ADAMTS13: variants seen among roughly 807,000 people sequenced by gnomAD.
The protein encoded by ADAMTS13 is A disintegrin and metalloproteinase with thrombospondin motifs 13.
ADAMTS13 carries 110 observed loss-of-function variants against 155.1 expected under a neutral mutation model. That is an observed-to-expected ratio of 0.71 (90% CI 0.61 to 0.83). The LOEUF (loss-of-function observed/expected upper bound fraction) is 0.83, where lower values mean the gene tolerates loss of function less well. Ranked by LOEUF, ADAMTS13 falls within the 40% of genes least tolerant of loss-of-function variation. The pLI is 0.00. For missense variants in ADAMTS13, 1,707 were observed against 1,891.7 expected (o/e 0.90, Z 1.81); for synonymous variants, 758 against 756.4 (o/e 1.00, Z -0.03).
At chr9:133,443,604 C>T (rs782773719) in intron 19 of ADAMTS13, 43 bp downstream of exon 19, 2 of 1,503,904 alleles carry the variant, frequency 1.3e-6, no homozygotes. Context: ...GCCTTCCTGG[C>T]AGAGCTCGTC....
chr9:133,417,589 A>C, upstream of ADAMTS13: 1 of 1,605,358 alleles, frequency 6.2e-7, no homozygotes, highest in African/African-American at 1.3e-5. Context: ...TGAGCTGCGC[A>C]GCGCTCCGCC....
upstream of ADAMTS13, among the ~76,000 whole-genome samples, chr9:133,419,716 C>T (rs942683151): frequency 6.6e-6 from 1 of 152,050 alleles, no homozygotes; most frequent in Non-Finnish European, 1.5e-5. Context: ...AGATTGTCAG[C>T]AAGTCCACCG....
At position 133,442,598 on chromosome 9, in the gene ADAMTS13, C is replaced by A; in HGVS notation, c.2105-16C>A. 1 of 1,613,310 alleles carries A rather than the reference C, an allele frequency of 6.2e-7. No homozygotes were observed. The highest frequency in any genetic ancestry group is 1.3e-5 in the African/African-American group (1 of 75,072). On this transcript the variant is annotated splice_polypyrimidine_tract_variant and intron_variant, in intron 17 of 28. Coordinates refer to ENST00000355699, the MANE Select transcript of ADAMTS13 (RefSeq NM_139027.6). ...CCCTGCAGGGAGGCGGCCTAGCCCTCCCTCTTCCCTCCCAGGGCTGCGCTG... is the reference window on the plus strand; with the variant it reads ...CCCTGCAGGGAGGCGGCCTAGCCCTACCTCTTCCCTCCCAGGGCTGCGCTG...
At position 133,442,263 on chromosome 9, in the gene ADAMTS13, G is replaced by A. The variant is rs587653765; in HGVS notation, c.1969-136G>A. 20 of 1,383,152 alleles carry A rather than the reference G, an allele frequency of 1.4e-5. No homozygotes were observed. The African/African-American group carries it at 2.7e-4, about 19-fold the overall frequency. 85.7% of individuals were successfully genotyped at this position (1,383,152 alleles called of 1,614,324 possible). ...TGGGTTTACAGGCATGAGCTACCGT[G>A]CCTGGCCAGTGATTGCTTGCTGAAC... On this transcript the variant is annotated intron_variant, in intron 16 of 28. Coordinates refer to ENST00000355699, the MANE Select transcript of ADAMTS13 (RefSeq NM_139027.6).
chr9:133,419,882 G>C (rs1839880753), upstream of ADAMTS13, among the ~76,000 whole-genome samples: 1 of 151,046 alleles, frequency 6.6e-6, no homozygotes, highest in African/African-American at 2.4e-5. Context: ...GGAACTACAG[G>C]TGCACGCCAC....
chr9:133,445,644 T>A lies in ADAMTS13; in HGVS notation c.2611-55T>A. Reference sequence around the variant, plus strand: ...CTGCCTGAGAAGATCGAGACGGGGATCGCTGGGTCCTCAGAGGAGGCCCAG... The same window carrying A: ...CTGCCTGAGAAGATCGAGACGGGGAACGCTGGGTCCTCAGAGGAGGCCCAG... On this transcript the variant is annotated intron_variant, in intron 20 of 28. Transcript: ENST00000355699. This position sits in a 1 kb window ranked among gnomAD's most constrained non-coding sequence, Gnocchi z 5.0. The A allele has an allele frequency of 6.2e-7, 1 of 1,611,624 alleles. No homozygotes were observed. Among genetic ancestry groups the A allele is most frequent in the Non-Finnish European group, 8.5e-7 (1 of 1,179,672 alleles).
chr9:133,438,506 C>T (rs782820805), intron 14 of ADAMTS13, 140 bp downstream of exon 14: 612 of 1,332,260 alleles, frequency 4.6e-4, no homozygotes, highest in Admixed American at 6.5e-4. Context: ...GTGGTGTCAG[C>T]GTCTCCCTCT....
chr9:133,454,458 C>A lies in ADAMTS13; in HGVS notation c.3088C>A (p.Leu1030Ile). ...SLGPCSASCG[L>I]GTARRSVACV... Reference sequence around the variant, plus strand: ...TGGCCCATGTTCGGCCAGCTGTGGCCTTGGCACTGCTAGACGCTCGGTGGC... The same window carrying A: ...TGGCCCATGTTCGGCCAGCTGTGGCATTGGCACTGCTAGACGCTCGGTGGC... Residue 1030 changes from leucine to isoleucine, a missense_variant, in exon 24 of 29, where the codon CTT becomes ATT. Coordinates refer to ENST00000355699, the MANE Select transcript of ADAMTS13 (RefSeq NM_139027.6). 2 of 1,613,704 alleles carry A rather than the reference C, an allele frequency of 1.2e-6. No individual in the cohort carries two copies. Among genetic ancestry groups the A allele is most frequent in the Non-Finnish European group, 1.7e-6 (2 of 1,180,020 alleles).
chr9:133,452,205 T>C (rs2520103), intron 23 of ADAMTS13, among the ~76,000 whole-genome samples: 13,643 of 151,738 alleles, frequency 0.09, 655 homozygotes, highest in Middle Eastern at 0.15. Flanking sequence ...CTCCGCCTCC[T>C]GGGTTCAAGT....
chr9:133,435,162 T>C (rs1841084611), intron 11 of ADAMTS13, among the ~76,000 whole-genome samples: 2 of 152,004 alleles, frequency 1.3e-5, no homozygotes, highest in Admixed American at 1.3e-4. Context: ...CTGGATCGTA[T>C]GGGAATTGTA....
chr9:133,442,258 A>C (rs782629144), intron 16 of ADAMTS13, 141 bp from the exon 17 acceptor site: 2 of 1,324,870 alleles, frequency 1.5e-6, no homozygotes, highest in East Asian at 4.6e-5. Context: ...GGCATGAGCT[A>C]CCGTGCCTGG....
At chr9:133,421,525 G>T (rs1564404644), upstream of ADAMTS13, among the ~76,000 whole-genome samples, 1 of 152,174 alleles carries the variant, frequency 6.6e-6, no homozygotes, top group Non-Finnish European at 1.5e-5. Context: ...CTCTTCCCTA[G>T]AATTTAAGCT....
intron 19 of ADAMTS13, among the ~76,000 whole-genome samples, chr9:133,444,617 C>T (rs1841928499): frequency 6.6e-6 from 1 of 152,210 alleles, no homozygotes; most frequent in Non-Finnish European, 1.5e-5. Flanking sequence ...TCTCTGCACC[C>T]TGGGTGCAGG....
In ADAMTS13 at chr9:133,424,887, C is replaced by T. The variant is rs892763721; in HGVS notation, c.330+409C>T. ...CTCAGAGTGGCGAGGACAGGTCACCCGTCTGAAGTCTAAACAGAGACTGCT... is the reference window on the plus strand; with the variant it reads ...CTCAGAGTGGCGAGGACAGGTCACCTGTCTGAAGTCTAAACAGAGACTGCT... On this transcript the variant is annotated intron_variant, in intron 3 of 28. Transcript: ENST00000355699. This position sits in a 1 kb window ranked among gnomAD's most constrained non-coding sequence, Gnocchi z 4.3. Among the ~76,000 whole-genome samples the T allele has an allele frequency of 6.6e-6, 1 of 152,220 alleles. No homozygotes were observed. The highest frequency in any genetic ancestry group is 1.5e-5 in the Non-Finnish European group (1 of 68,044).
At chr9:133,437,604 G>C in intron 12 of ADAMTS13, 145 bp from the exon 13 acceptor site, 1 of 919,182 alleles carries the variant, frequency 1.1e-6, no homozygotes, top group Non-Finnish European at 1.7e-6. Context: ...GATTAGGATC[G>C]TGATTAGGAT....
At chr9:133,433,751 C>T in intron 11 of ADAMTS13, 47 bp downstream of exon 11, 1 of 1,602,312 alleles carries the variant, frequency 6.2e-7, no homozygotes, top group Non-Finnish European at 8.5e-7. Flanking sequence ...TGGCACCGGG[C>T]CCTGGGGGAG....
Position 133,424,305 on chromosome 9 carries a change from C to T in ADAMTS13, c.173-16C>T, listed in dbSNP as rs782158346. On this transcript the variant is annotated splice_polypyrimidine_tract_variant and intron_variant, in intron 2 of 28. Transcript: ENST00000355699. This position sits in a 1 kb window ranked among gnomAD's most constrained non-coding sequence, Gnocchi z 4.3. The stretch of plus-strand genomic sequence containing the variant: ...CTCTAGAACCATCGCCCTCTGCTCT[C>T]CCTCTCCCCCTCCAGGCCGCCCTCC... The T allele has an allele frequency of 3.1e-6, 5 of 1,611,090 alleles. No homozygotes were observed. The Admixed American group carries it at 8.3e-5, about 27-fold the overall frequency.
intron 2 of ADAMTS13, 133 bp downstream of exon 2, chr9:133,423,300 T>C: frequency 1.2e-6 from 1 of 847,400 alleles, no homozygotes. Context: ...CTGTCAACCC[T>C]GTTAATTAAC....
intron 2 of ADAMTS13, among the ~76,000 whole-genome samples, chr9:133,423,809 C>T (rs28742053): frequency 0.28 from 42,182 of 152,260 alleles, 7,367 homozygotes; most frequent in South Asian, 0.43. Flanking sequence ...ATGCAGCCGA[C>T]GCTGTCTGGG....
Sources: allele counts gnomAD v4.1 joint callset (sites outside exome capture counted in the v4.1 genomes callset), GRCh38; gene constraint gnomAD v4.1.1; non-coding constraint Gnocchi (gnomAD v3.1); transcripts MANE v1.5; gene names NCBI Gene and HGNC (gene_info 2026-07-23, HGNC 2026-07-21).